Variants in TXLNB observed in about 807,000 individuals in gnomAD.
TXLNB encodes taxilin beta.
Under a neutral mutation model 57.4 loss-of-function variants are expected in TXLNB, and 37 were observed. The observed-to-expected ratio is 0.64, with a 90% CI of 0.50 to 0.85. TXLNB has a LOEUF of 0.85. Among genes scored for constraint, TXLNB ranks in the 40% least tolerant of loss-of-function variants. TXLNB has a pLI of 0.00. For missense variants in TXLNB, 848 were observed against 825.6 expected (o/e 1.03, Z -0.33); for synonymous variants, 302 against 309.6 (o/e 0.98, Z 0.26).
the TXLNB span, among the ~76,000 whole-genome samples, chr6:139,188,966 G>C: frequency 6.6e-6 from 1 of 152,162 alleles, no homozygotes; most frequent in Non-Finnish European, 1.5e-5. Flanking sequence ...ACATTGGCCA[G>C]GCTGGCCTCA....
At chr6:139,278,554 G>A (rs1163912062) in intron 2 of TXLNB, among the ~76,000 whole-genome samples, 5 of 152,148 alleles carry the variant, frequency 3.3e-5, no homozygotes, top group Non-Finnish European at 7.3e-5. Context: ...CTTCACCTTT[G>A]TCTTCAGTCC....
the TXLNB span, among the ~76,000 whole-genome samples, chr6:139,216,724 A>T: frequency 2.6e-5 from 4 of 152,228 alleles, no homozygotes; most frequent in Non-Finnish European, 5.9e-5. Context: ...AGCAACTTGG[A>T]TGGAGCTGGA....
downstream of TXLNB, among the ~76,000 whole-genome samples, chr6:139,236,393 A>G (rs1444716360): frequency 6.6e-6 from 1 of 152,072 alleles, no homozygotes; most frequent in Non-Finnish European, 1.5e-5. Context: ...TAGGGCACCA[A>G]AGAAGCGAGC....
chr6:139,254,192 A>G (rs140979720), intron 7 of TXLNB, among the ~76,000 whole-genome samples: 180 of 152,314 alleles, frequency 1.2e-3, no homozygotes, highest in African/African-American at 4.0e-3. Context: ...CTATATATGC[A>G]TTGCAGAAAT....
the TXLNB span, chr6:139,174,503 C>T: frequency 6.2e-7 from 1 of 1,614,032 alleles, no homozygotes. Context: ...GCACTATGTA[C>T]ACCTACGACA....
At chr6:139,250,177 CT>C (rs529236500) in intron 7 of TXLNB, among the ~76,000 whole-genome samples, 29,861 of 124,266 alleles carry the variant, frequency 0.24, 3,553 homozygotes, top group African/African-American at 0.31. Context: ...CCATGTCTGG[CT>C]TTTTTTTTTT....
rs1775899630 is a variant in TXLNB, at chr6:139,240,198, C to T, written c.*2328G>A. ...ATACACTTGATAAAGAACAGACATT[C>T]CTTCTGAATTTAGAACTTTATGAGT... On this transcript the variant is annotated 3_prime_UTR_variant, in exon 10 of 10. Coordinates refer to ENST00000358430, the MANE Select transcript of TXLNB (RefSeq NM_153235.4). 1 of 152,508 alleles carries T rather than the reference C, an allele frequency of 6.6e-6. No individual in the cohort carries two copies. Among genetic ancestry groups the T allele is most frequent in the African/African-American group, 2.4e-5 (1 of 41,402 alleles). The allele number at this position is 152,508 out of a possible 1,614,324, so 9.4% of individuals were successfully genotyped here.
Position 139,273,052 on chromosome 6 carries a change from AAAAAG to A in TXLNB, c.517-2431_517-2427del, listed in dbSNP as rs1776806686. Among the ~76,000 whole-genome samples, 4 of 152,210 alleles carry A rather than the reference AAAAAG, an allele frequency of 2.6e-5. No homozygotes were observed. In the South Asian group the frequency reaches 8.3e-4, roughly 31 times the overall value. ...TCCATCTCAAAAAAAAAGAAAAAAG[AAAAAG>A]AAAAGAAATTTATATATTGTTATTA... On this transcript the variant is annotated intron_variant, in intron 3 of 9. Transcript: ENST00000358430.
chr6:139,193,677 C>T, the TXLNB span, among the ~76,000 whole-genome samples: 14 of 149,942 alleles, frequency 9.3e-5, no homozygotes, highest in Admixed American at 8.6e-4. Flanking sequence ...TTTTTGAAGA[C>T]GGAGTTTTGC....
chr6:139,299,396 A>G, the TXLNB span, among the ~76,000 whole-genome samples: 1 of 152,140 alleles, frequency 6.6e-6, no homozygotes, highest in African/African-American at 2.4e-5. Flanking sequence ...ACCCAAACAA[A>G]CCTTACTAAT....
chr6:139,181,987 G>A, the TXLNB span, among the ~76,000 whole-genome samples: 1 of 151,894 alleles, frequency 6.6e-6, no homozygotes, highest in Non-Finnish European at 1.5e-5. Context: ...TCCTAGGCCT[G>A]TAACAATTTT....
chr6:139,270,043 C>A (rs1376302433), intron 4 of TXLNB, among the ~76,000 whole-genome samples: 1 of 152,138 alleles, frequency 6.6e-6, no homozygotes, highest in Non-Finnish European at 1.5e-5. Context: ...TGTCTCATGT[C>A]ATGCAGAATT....
At chr6:139,247,452 T>TG (rs1776091849) in intron 8 of TXLNB, among the ~76,000 whole-genome samples, 1 of 149,058 alleles carries the variant, frequency 6.7e-6, no homozygotes. Context: ...AAGTTTTTGT[T>TG]TTTTTTTTTT....
chr6:139,194,987 C>G, the TXLNB span, among the ~76,000 whole-genome samples: 5 of 152,370 alleles, frequency 3.3e-5, no homozygotes, highest in South Asian at 2.1e-4. Context: ...AATTTATTAT[C>G]TTACAGTTCT....
At chr6:139,164,034 G>A in the TXLNB span, among the ~76,000 whole-genome samples, 4 of 150,768 alleles carry the variant, frequency 2.7e-5, no homozygotes, top group African/African-American at 7.4e-5. Flanking sequence ...ATTGCTGTCC[G>A]TCAGCATGGA....
At chr6:139,297,998 G>T in the TXLNB span, among the ~76,000 whole-genome samples, 6 of 152,086 alleles carry the variant, frequency 3.9e-5, no homozygotes, top group African/African-American at 1.4e-4. Flanking sequence ...ATCAAACAGA[G>T]ATTATTTTGT....
the TXLNB span, among the ~76,000 whole-genome samples, chr6:139,304,414 T>C: frequency 2.6e-5 from 4 of 152,194 alleles, no homozygotes; most frequent in Admixed American, 2.6e-4. Flanking sequence ...GGAAGAAATG[T>C]ATCCTGCACA....
At chr6:139,301,306 G>A in the TXLNB span, among the ~76,000 whole-genome samples, 3 of 152,100 alleles carry the variant, frequency 2.0e-5, no homozygotes, top group Non-Finnish European at 4.4e-5. Context: ...AAATTTTCTT[G>A]GGTATCTGTA....
At chr6:139,258,649 T>G (rs2114501238) in intron 6 of TXLNB, among the ~76,000 whole-genome samples, 1 of 152,322 alleles carries the variant, frequency 6.6e-6, no homozygotes, top group African/African-American at 2.4e-5. Flanking sequence ...TGATTTTAGG[T>G]AAATGAAAAT....
Sources: gnomAD v4.1 joint callset for allele counts (sites outside exome capture counted in the v4.1 genomes callset) on GRCh38, gnomAD v4.1.1 for gene constraint, MANE v1.5 for transcripts, NCBI Gene and HGNC (gene_info 2026-07-23, HGNC 2026-07-21) for gene names.